The following DSCAM variants were observed in gnomAD, a reference collection of about 807,000 sequenced individuals.
DSCAM encodes the protein DS cell adhesion molecule, also known as cell adhesion molecule DSCAM.
A neutral mutation model predicts 217.7 loss-of-function variants in DSCAM; 47 were observed. That is an observed-to-expected ratio of 0.22 (90% confidence interval 0.17 to 0.28). The LOEUF (loss-of-function observed/expected upper bound fraction) is 0.28, where lower values mean the gene tolerates loss of function less well. Ranked by LOEUF, DSCAM falls within the 10% of genes least tolerant of loss-of-function variation. The probability of loss-of-function intolerance (pLI) is 1.00; values close to 1 mark genes in which losing one functional copy is unlikely to be tolerated. For synonymous variants in DSCAM, 1,056 were observed against 1,015.3 expected (o/e 1.04, Z -0.76); for missense variants, 2,080 against 2,618.3 (o/e 0.79, Z 4.49).
chr21:40,586,885 C>A (rs1223455557), intron 3 of DSCAM, among the ~76,000 whole-genome samples: 2 of 152,144 alleles, frequency 1.3e-5, no homozygotes, highest in African/African-American at 4.8e-5. Flanking sequence ...AGGCTGGACT[C>A]TAAGTGGTAG....
chr21:40,670,775 C>A lies in DSCAM; in HGVS notation c.508+22035G>T, dbSNP rs181113311. Among the ~76,000 whole-genome samples the A allele has an allele frequency of 2.5e-3, 387 of 152,184 alleles. 2 individuals are homozygous for A. The highest frequency in any genetic ancestry group is 0.011 in the Admixed American group (168 of 15,298). On this transcript the variant is annotated intron_variant, in intron 3 of 32. Coordinates refer to ENST00000400454, the MANE Select transcript of DSCAM (RefSeq NM_001389.5). ...GGCTGTTCCTATCTTTTGGCGATTGCAAAAAATGCTGCTATGAACATGGGT... is the reference window on the plus strand; with the variant it reads ...GGCTGTTCCTATCTTTTGGCGATTGAAAAAAATGCTGCTATGAACATGGGT...
chr21:40,561,264 A>G (rs1433985994), intron 3 of DSCAM, among the ~76,000 whole-genome samples: 1 of 152,152 alleles, frequency 6.6e-6, no homozygotes, highest in Non-Finnish European at 1.5e-5. Flanking sequence ...GTTCAGATTC[A>G]ATGTGCCTGC....
chr21:40,195,736 G>A (rs1000585021), intron 11 of DSCAM, among the ~76,000 whole-genome samples: 3 of 152,162 alleles, frequency 2.0e-5, no homozygotes, highest in Non-Finnish European at 2.9e-5. Context: ...GGGAAACTGA[G>A]GCAGGAATTA....
chr21:40,471,404 C>T (rs1291751102), intron 3 of DSCAM, among the ~76,000 whole-genome samples: 1 of 152,132 alleles, frequency 6.6e-6, no homozygotes, highest in East Asian at 1.9e-4. Context: ...AGTGGTAGGG[C>T]AGGTTCTAGA....
intron 2 of DSCAM, among the ~76,000 whole-genome samples, chr21:40,697,400 A>G (rs1242112368): frequency 6.6e-6 from 1 of 152,172 alleles, no homozygotes; most frequent in Non-Finnish European, 1.5e-5. Flanking sequence ...TACCCCAAAA[A>G]TCTTTGCCCA....
intron 1 of DSCAM, among the ~76,000 whole-genome samples, chr21:40,764,315 A>G (rs2091365133): frequency 7.0e-6 from 1 of 142,260 alleles, no homozygotes. Context: ...AAAAGAAGAT[A>G]TTTATGCCGC....
intron 3 of DSCAM, among the ~76,000 whole-genome samples, chr21:40,491,558 T>C (rs1387310461): frequency 1.3e-5 from 2 of 151,908 alleles, no homozygotes; most frequent in Non-Finnish European, 2.9e-5. Context: ...CCCTGTACCA[T>C]TCAAGGGTAT....
intron 32 of DSCAM, among the ~76,000 whole-genome samples, chr21:40,029,076 A>C (rs1016592696): frequency 3.9e-5 from 6 of 152,164 alleles, no homozygotes; most frequent in African/African-American, 1.4e-4. Flanking sequence ...ACAAACAGAA[A>C]ACAAAATTCT....
At chr21:40,248,039 C>T (rs964566149) in intron 11 of DSCAM, among the ~76,000 whole-genome samples, 1 of 152,184 alleles carries the variant, frequency 6.6e-6, no homozygotes, top group South Asian at 2.1e-4. Context: ...CCTGAGCTGT[C>T]CCTTCGCCCC....
chr21:40,160,042 C>T (rs751043191), intron 16 of DSCAM, among the ~76,000 whole-genome samples: 1 of 152,132 alleles, frequency 6.6e-6, no homozygotes, highest in Non-Finnish European at 1.5e-5. Flanking sequence ...GATAGGGATC[C>T]AAATCGGGGT....
intron 3 of DSCAM, among the ~76,000 whole-genome samples, chr21:40,577,943 A>T (rs921288441): frequency 6.6e-6 from 1 of 152,174 alleles, no homozygotes; most frequent in African/African-American, 2.4e-5. Context: ...GCACAAGTTA[A>T]GTCCTTGAGG....
At chr21:40,021,768 A>G (rs1435951854) in intron 32 of DSCAM, among the ~76,000 whole-genome samples, 1 of 152,164 alleles carries the variant, frequency 6.6e-6, no homozygotes, top group Non-Finnish European at 1.5e-5. Flanking sequence ...GCATACTAGT[A>G]TCACAAGCTC....
intron 3 of DSCAM, among the ~76,000 whole-genome samples, chr21:40,519,691 C>T (rs1285311486): frequency 6.6e-6 from 1 of 152,022 alleles, no homozygotes; most frequent in Admixed American, 6.6e-5. Context: ...ACTAAGACAC[C>T]CAGAGGAGAA....
At chr21:40,766,692 C>CTT (rs1197034537) in intron 1 of DSCAM, among the ~76,000 whole-genome samples, 30,747 of 92,474 alleles carry the variant, frequency 0.33, 5,934 homozygotes, top group African/African-American at 0.4. Flanking sequence ...AAAAAAACAA[C>CTT]TTTTTTTTTT....
intron 11 of DSCAM, among the ~76,000 whole-genome samples, chr21:40,232,238 G>C (rs2837520): frequency 0.48 from 72,913 of 152,004 alleles, 18,258 homozygotes; most frequent in African/African-American, 0.63. Context: ...AGAAACAAGA[G>C]AAAAATTCAA....
intron 1 of DSCAM, among the ~76,000 whole-genome samples, chr21:40,739,658 A>C (rs2091101957): frequency 6.6e-6 from 1 of 152,200 alleles, no homozygotes; most frequent in Non-Finnish European, 1.5e-5. Flanking sequence ...ATCCAGTCAC[A>C]TCCCGAGGTA....
intron 3 of DSCAM, among the ~76,000 whole-genome samples, chr21:40,655,957 G>A (rs2090070675): frequency 6.6e-6 from 1 of 152,144 alleles, no homozygotes; most frequent in Non-Finnish European, 1.5e-5. Flanking sequence ...GGAGGCTGAG[G>A]CTGGAGGATT....
At chr21:40,621,901 A>C in intron 3 of DSCAM, among the ~76,000 whole-genome samples, 1 of 77,158 alleles carries the variant, frequency 1.3e-5, no homozygotes, top group East Asian at 4.8e-4. Context: ...GAGAGAGAGA[A>C]GGGAGGGAGG....
intron 19 of DSCAM, 133 bp from the exon 20 acceptor site, chr21:40,124,461 C>G (rs543360276): frequency 2.7e-6 from 3 of 1,114,588 alleles, no homozygotes; most frequent in Non-Finnish European, 3.8e-6. Context: ...TCCGCTGTGT[C>G]CCCCCAAATG....
Sources: allele counts gnomAD v4.1 joint callset (sites outside exome capture counted in the v4.1 genomes callset), GRCh38; gene constraint gnomAD v4.1.1; transcripts MANE v1.5; gene names NCBI Gene and HGNC (gene_info 2026-07-23, HGNC 2026-07-21).